Variants in NXT2 observed in about 807,000 individuals in gnomAD.
The protein encoded by NXT2 is NTF2-related export protein 2.
In NXT2, 1 loss-of-function variant was observed where a neutral mutation model predicts 9.6. That is an observed-to-expected ratio of 0.10 (90% CI 0.04 to 0.49). The LOEUF (loss-of-function observed/expected upper bound fraction) is 0.49. NXT2 is among the 20% of genes least tolerant of loss of function. The pLI is 0.95. For synonymous variants in NXT2, 22 were observed against 35.4 expected (o/e 0.62, Z 1.34); for missense variants, 48 against 100.3 (o/e 0.48, Z 2.23).
rs374060059 is a variant in NXT2 at position 109,536,895 on chromosome X, T to G, written c.-112T>G. The G allele has an allele frequency of 1.7e-6, 2 of 1,194,519 alleles. No homozygotes were observed. Among genetic ancestry groups the G allele is most frequent in the Admixed American group, 2.3e-5 (1 of 44,318 alleles). On this transcript the variant is annotated 5_prime_UTR_variant, in exon 1 of 4. Transcript: ENST00000372106. ...GGGAGGGTGGAAAATTTTGTGCGTT[T>G]GGCGGGTTTCGCTCTCTTCATAAGT...
chrX:109,537,518 C>T (rs1933309234), intron 1 of NXT2: 6 of 293,123 alleles, frequency 2.0e-5, no homozygotes, highest in Non-Finnish European at 2.7e-5. Context: ...GGAAAGTTTC[C>T]TAAGTGGAGC....
chrX:109,537,248 T>C (rs1422902138), intron 1 of NXT2: 29 of 1,004,558 alleles, frequency 2.9e-5, no homozygotes, highest in Non-Finnish European at 3.4e-5. Context: ...AGCTGGGAAA[T>C]AGCGAGAGGC....
chrX:109,542,794 C>A lies in NXT2; in HGVS notation c.*106C>A. On this transcript the variant is annotated 3_prime_UTR_variant, in exon 4 of 4. Coordinates refer to ENST00000372106, the MANE Select transcript of NXT2 (RefSeq NM_001242617.2). ...TATAATATGTGCTGAAACTAAATTT[C>A]TTTAATATTTTCTATTCCTGTCAGC... The A allele has an allele frequency of 1.6e-6, 1 of 633,734 alleles. No individual in the cohort carries two copies. The highest frequency in any genetic ancestry group is 2.3e-6 in the Non-Finnish European group (1 of 431,292). The allele number at this position is 633,734 out of a possible 1,213,427, so 52.2% of individuals were successfully genotyped here. A position where few individuals can be genotyped will look rare whatever the true frequency, so the allele number is the denominator to read the frequency against.
chrX:109,535,831 G>C (rs1181189402), upstream of NXT2: 1 of 957,151 alleles, frequency 1.0e-6, no homozygotes, highest in Non-Finnish European at 1.4e-6. Context: ...AGAAGCTTCC[G>C]TTAGTCCTAC....
At chrX:109,537,494 AT>A (rs1933308598) in intron 1 of NXT2, 4 of 481,361 alleles carry the variant, frequency 8.3e-6, no homozygotes, top group Non-Finnish European at 1.0e-5. Context: ...AGCAGTGAAT[AT>A]TTACGCAATG....
chrX:109,542,483 C>CT (rs759333019), intron 3 of NXT2, 24 bp from the exon 4 acceptor site: 19,596 of 783,849 alleles, frequency 0.025, 7 homozygotes, highest in Non-Finnish European at 0.027. Context: ...GATGTGTTCT[C>CT]TTTTTTTTTT....
At chrX:109,537,059 G>C in intron 1 of NXT2, 38 bp downstream of exon 1, 1 of 1,191,214 alleles carries the variant, frequency 8.4e-7, no homozygotes, top group African/African-American at 1.7e-5. Context: ...CTGGGCGCCG[G>C]ACTCCAGTGG....
Position 109,536,919 on chromosome X carries a change from G to C in NXT2, c.-88G>C. The C allele has an allele frequency of 8.3e-7, 1 of 1,210,161 alleles. No individual in the cohort carries two copies. Among genetic ancestry groups the C allele is most frequent in the Non-Finnish European group, 1.1e-6 (1 of 894,729 alleles). On this transcript the variant is annotated 5_prime_UTR_variant, in exon 1 of 4. Transcript: ENST00000372106. Reference sequence around the variant, plus strand: ...TTGGCGGGTTTCGCTCTCTTCATAAGTATTGATCATTCCGCAGCCCTGCGG... The same window carrying C: ...TTGGCGGGTTTCGCTCTCTTCATAACTATTGATCATTCCGCAGCCCTGCGG...
intron 2 of NXT2, among the ~76,000 whole-genome samples, chrX:109,540,066 A>G (rs1418910923): frequency 8.9e-6 from 1 of 111,738 alleles, no homozygotes; most frequent in African/African-American, 3.3e-5. Context: ...CAGTTTTCCC[A>G]GCACCATTTA....
chrX:109,543,543 T>G lies in NXT2; in HGVS notation c.*855T>G, dbSNP rs945991703. 8.9e-6 allele frequency: 1 copy of G among 112,263 alleles called. No homozygotes were observed. The highest frequency in any genetic ancestry group is 3.2e-5 in the African/African-American group (1 of 30,899). The allele number at this position is 112,263 out of a possible 1,213,427, so 9.3% of individuals were successfully genotyped here. On this transcript the variant is annotated 3_prime_UTR_variant, in exon 4 of 4. Transcript: ENST00000372106. ...TCTACCTCCTAAAAATGTAGCTTAT[T>G]TTTAGGATTTAAATCACTAAGTAAA... is the stretch of plus-strand genomic sequence containing the variant.
chrX:109,535,873 G>C (rs765256389), upstream of NXT2: 1 of 1,151,368 alleles, frequency 8.7e-7, no homozygotes, highest in East Asian at 3.0e-5. Context: ...TAAAGAGAAA[G>C]ATTAAAAGTA....
At chrX:109,537,658 T>C (rs1184758347) in intron 1 of NXT2, among the ~76,000 whole-genome samples, 7 of 111,535 alleles carry the variant, frequency 6.3e-5, no homozygotes, top group Non-Finnish European at 9.4e-5. Flanking sequence ...TTTCCTAGCT[T>C]ATTCAGTGGC....
At chrX:109,537,283 T>C (rs772849838) in intron 1 of NXT2, 6 of 958,572 alleles carry the variant, frequency 6.3e-6, no homozygotes, top group South Asian at 4.1e-5. Context: ...TTGTTGTTTA[T>C]GGCTTGCAGT....
In NXT2 at chrX:109,543,471, C is replaced by A. The variant is rs918428249; in HGVS notation, c.*783C>A. ...GAGAAATAGAAATCCAAGGCTGAAG[C>A]CAAAAGTAAGGAGGGTGGCCAAATG... On this transcript the variant is annotated 3_prime_UTR_variant, in exon 4 of 4. Coordinates refer to ENST00000372106, the MANE Select transcript of NXT2 (RefSeq NM_001242617.2). The A allele has an allele frequency of 9.0e-6, 1 of 111,473 alleles. No homozygotes were observed. Among genetic ancestry groups the A allele is most frequent in the African/African-American group, 3.3e-5 (1 of 30,647 alleles). The allele number at this position is 111,473 out of a possible 1,213,427, so 9.2% of individuals were successfully genotyped here. A position where few individuals can be genotyped will look rare whatever the true frequency, so the allele number is the denominator to read the frequency against.
chrX:109,540,210 G>T (rs1299611157), intron 2 of NXT2, among the ~76,000 whole-genome samples: 1 of 111,234 alleles, frequency 9.0e-6, no homozygotes, highest in African/African-American at 3.3e-5. Flanking sequence ...GATGTTTATT[G>T]TGCCTTGCCT....
chrX:109,542,758 T>G lies in NXT2; in HGVS notation c.*70T>G. On this transcript the variant is annotated 3_prime_UTR_variant, in exon 4 of 4. Coordinates refer to ENST00000372106, the MANE Select transcript of NXT2 (RefSeq NM_001242617.2). ...TGAAATTTATGTGAATTATTTTGAT[T>G]GTAGAAGCACTATAATATGTGCTGA... 1 of 857,690 alleles carries G rather than the reference T, an allele frequency of 1.2e-6. No homozygotes were observed. The highest frequency in any genetic ancestry group is 2.0e-5 in the African/African-American group (1 of 49,425). 70.7% of individuals were successfully genotyped at this position (857,690 alleles called of 1,213,427 possible).
At position 109,539,752 on chromosome X, in the gene NXT2, T is replaced by C. The variant is rs747991899; in HGVS notation, c.102+1621T>C. On this transcript the variant is annotated intron_variant, in intron 2 of 3. Transcript: ENST00000372106. ...AAATTTGTTTAAGTTCCTGTAGATT[T>C]GGAAATTAATAGATTGCAAAAATTT... Among the ~76,000 whole-genome samples the C allele has an allele frequency of 1.8e-4, 20 of 110,522 alleles. 3 individuals carry two copies. The South Asian group carries it at 2.2e-3, about 12-fold the overall frequency.
At chrX:109,537,533 G>C (rs1255767305) in intron 1 of NXT2, 2 of 204,549 alleles carry the variant, frequency 9.8e-6, no homozygotes, top group Non-Finnish European at 1.4e-5. Flanking sequence ...TGGAGCTGCC[G>C]GTTTTTCAAG....
At chrX:109,537,061 C>T (rs199510422) in intron 1 of NXT2, 40 bp downstream of exon 1, 28 of 1,189,460 alleles carry the variant, frequency 2.4e-5, no homozygotes, top group Non-Finnish European at 3.1e-5. Flanking sequence ...GGGCGCCGGA[C>T]TCCAGTGGCT....
Sources: allele counts gnomAD v4.1 joint callset (sites outside exome capture counted in the v4.1 genomes callset), GRCh38; gene constraint gnomAD v4.1.1; transcripts MANE v1.5; gene names NCBI Gene and HGNC (gene_info 2026-07-23, HGNC 2026-07-21).